The following LGI4 variants were observed in gnomAD, a reference collection of about 807,000 sequenced individuals.
LGI4 encodes leucine rich repeat LGI family member 4.
LGI4 carries 36 observed loss-of-function variants against 48.3 expected under a neutral mutation model. The ratio of observed to expected loss-of-function variants is 0.75; its 90% CI spans 0.57 to 0.98. The LOEUF is 0.98. LGI4 is among the 50% of genes least tolerant of loss of function. The probability of loss-of-function intolerance (pLI) is 0.00; values close to 1 mark genes in which losing one functional copy is unlikely to be tolerated. For missense variants in LGI4, 701 were observed against 732.1 expected (o/e 0.96, Z 0.49); for synonymous variants, 355 against 331.6 (o/e 1.07, Z -0.77).
rs563254274 is a variant in LGI4 at position 35,131,393 on chromosome 19, T to G, written c.621A>C (p.Arg207Ser). The stretch of plus-strand genomic sequence containing the variant: ...ATCGGGAAAGCCCCCCACCTATGGC[T>G]CTGCACTTGAAAGTCTTGGGGTCGA... Reference protein sequence around the residue: ...HHLDPKTFKCRAIELSWFQTV... With the variant: ...HHLDPKTFKCSAIELSWFQTV... The change falls in exon 6 of 9, where the codon AGA becomes AGC. Residue 207 changes from arginine (R) to serine (S), a missense_variant. Coordinates refer to ENST00000310123, the MANE Select transcript of LGI4 (RefSeq NM_139284.3). 13 of 1,550,266 alleles carry G rather than the reference T, an allele frequency of 8.4e-6. No homozygotes were observed. In the South Asian group the frequency reaches 1.5e-4, roughly 18 times the overall value.
Position 35,126,411 on chromosome 19 carries a change from C to T in LGI4, c.1158G>A (p.Arg386=). Residue 386 remains arginine, a synonymous_variant, in exon 8 of 9, where the codon CGG becomes CGA. Transcript: ENST00000310123. The stretch of plus-strand genomic sequence containing the variant: ...CACCGGTCCAGTGGAAGAGCACGGG[C>T]CGCTGGGAAGCCGAGGCCAGCAGCA... ...PHLLLASASQ[R]PVLFHWTGGR... 1 of 1,607,992 alleles carries T rather than the reference C, an allele frequency of 6.2e-7. No individual in the cohort carries two copies. The highest frequency in any genetic ancestry group is 8.5e-7 in the Non-Finnish European group (1 of 1,178,600).
Position 35,134,928 on chromosome 19 carries a change from G to A in LGI4, c.-248C>T. On this transcript the variant is annotated 5_prime_UTR_variant, in exon 1 of 9. Coordinates refer to ENST00000310123, the MANE Select transcript of LGI4 (RefSeq NM_139284.3). The stretch of plus-strand genomic sequence containing the variant: ...TCTGTATTTTTGACTCTGTGTGTTA[G>A]TCTGTTTCTATTTCTGTCTTTGTCT... 2.0e-6 allele frequency: 1 copy of A among 503,822 alleles called. No homozygotes were observed. Among genetic ancestry groups the A allele is most frequent in the South Asian group, 3.1e-5 (1 of 32,720 alleles). 31.2% of individuals were successfully genotyped at this position (503,822 alleles called of 1,614,324 possible). A position where few individuals can be genotyped will look rare whatever the true frequency, so the allele number is the denominator to read the frequency against.
chr19:35,128,861 G>A (rs2145363298), intron 6 of LGI4, among the ~76,000 whole-genome samples: 1 of 152,128 alleles, frequency 6.6e-6, no homozygotes, highest in South Asian at 2.1e-4. Context: ...CTTCAAACAG[G>A]GCACACTGTA....
At chr19:35,134,411 TG>T in intron 1 of LGI4, 99 bp downstream of exon 1, 1 of 1,235,394 alleles carries the variant, frequency 8.1e-7, no homozygotes, top group Non-Finnish European at 1.1e-6. Context: ...GAGATCCTGA[TG>T]GGCCCCTGTT....
chr19:35,129,691 C>T (rs2065162223), intron 6 of LGI4, among the ~76,000 whole-genome samples: 1 of 152,156 alleles, frequency 6.6e-6, no homozygotes, highest in African/African-American at 2.4e-5. Context: ...GGGTATTGTC[C>T]AAGGTTTCCC....
chr19:35,130,357 A>G (rs532264665), intron 6 of LGI4, among the ~76,000 whole-genome samples: 2 of 152,154 alleles, frequency 1.3e-5, no homozygotes, highest in Non-Finnish European at 2.9e-5. Context: ...ATATTGTTAT[A>G]GATAATAATA....
chr19:35,134,286 A>G (rs1280451800), intron 1 of LGI4, among the ~76,000 whole-genome samples, 182 bp from the exon 2 acceptor site: 3 of 151,776 alleles, frequency 2.0e-5, no homozygotes, highest in African/African-American at 7.3e-5. Context: ...ACAGCACTCA[A>G]CCCTCCTCCT....
At chr19:35,129,466 G>A (rs1026624397) in intron 6 of LGI4, among the ~76,000 whole-genome samples, 2 of 152,114 alleles carry the variant, frequency 1.3e-5, no homozygotes, top group Non-Finnish European at 2.9e-5. Context: ...TTGAGATGCT[G>A]TTAATTTATG....
rs925218280 is a variant in LGI4 at position 35,134,934 on chromosome 19, T to G, written c.-254A>C. On this transcript the variant is annotated 5_prime_UTR_variant, in exon 1 of 9. Coordinates refer to ENST00000310123, the MANE Select transcript of LGI4 (RefSeq NM_139284.3). The stretch of plus-strand genomic sequence containing the variant: ...TTTTTGACTCTGTGTGTTAGTCTGT[T>G]TCTATTTCTGTCTTTGTCTCTCTTT... 1 of 493,470 alleles carries G rather than the reference T, an allele frequency of 2.0e-6. No homozygotes were observed. Among genetic ancestry groups the G allele is most frequent in the Non-Finnish European group, 3.6e-6 (1 of 281,540 alleles). 30.6% of individuals were successfully genotyped at this position (493,470 alleles called of 1,614,324 possible). A position where few individuals can be genotyped will look rare whatever the true frequency, so the allele number is the denominator to read the frequency against.
chr19:35,131,377 G>GC lies in LGI4; in HGVS notation c.628+8dup, dbSNP rs770752678. 3.9e-6 allele frequency: 6 copies of GC among 1,549,712 alleles called. No individual in the cohort carries two copies. The African/African-American group carries it at 5.5e-5, about 14-fold the overall frequency. ...TCCCGCCTCCCACCCCATCGGGAAA[G>GC]CCCCCCACCTATGGCTCTGCACTTG... On this transcript the variant is annotated intron_variant, in intron 6 of 8. Coordinates refer to ENST00000310123, the MANE Select transcript of LGI4 (RefSeq NM_139284.3).
intron 6 of LGI4, 31 bp downstream of exon 6, chr19:35,131,355 C>T (rs962231771): frequency 2.4e-5 from 37 of 1,549,998 alleles, no homozygotes; most frequent in Admixed American, 2.0e-4. Flanking sequence ...CCAGATCTCC[C>T]GCCTCCCACC....
chr19:35,127,106 G>A, intron 6 of LGI4, 89 bp from the exon 7 acceptor site: 1 of 1,309,518 alleles, frequency 7.6e-7, no homozygotes, highest in Non-Finnish European at 1.0e-6. Context: ...CTGAAATGGA[G>A]GCCATTCATG....
rs1383412721 is a variant in LGI4, at chr19:35,126,974, T to C, written c.672A>G (p.Val224=). The change falls in exon 7 of 9, where the codon GTA becomes GTG. Residue 224 remains valine, a synonymous_variant. Transcript: ENST00000310123. ...FQTVGESALS[V]EPFSYQGEPH... is the part of the protein sequence containing the mutation. ...GCTCCCCTTGGTAGGAGAAGGGCTC[T>C]ACGCTCAGTGCCGACTCCCCCACCG... 6.2e-7 allele frequency: 1 copy of C among 1,611,778 alleles called. No individual in the cohort carries two copies. The highest frequency in any genetic ancestry group is 8.5e-7 in the Non-Finnish European group (1 of 1,178,788).
At chr19:35,128,839 C>T (rs557206162) in intron 6 of LGI4, among the ~76,000 whole-genome samples, 83 of 152,176 alleles carry the variant, frequency 5.5e-4, no homozygotes, top group Middle Eastern at 3.2e-3. Flanking sequence ...GCCACACCTG[C>T]CTTCGTTTGA....
intron 3 of LGI4, among the ~76,000 whole-genome samples, chr19:35,132,761 G>A (rs1223972163): frequency 6.6e-6 from 1 of 151,882 alleles, no homozygotes; most frequent in Non-Finnish European, 1.5e-5. Context: ...ATTGCCACCC[G>A]CATCTCCAAT....
In LGI4 at chr19:35,131,862, T is replaced by C. The variant is rs1235837007; in HGVS notation, c.387-2A>G. 6.4e-7 allele frequency: 1 copy of C among 1,571,628 alleles called. No individual in the cohort carries two copies. Among genetic ancestry groups the C allele is most frequent in the Non-Finnish European group, 8.6e-7 (1 of 1,158,230 alleles). ...TCCAGATGGTTATTGGCCAGGCTTC[T>C]GGTGGAGGAAGAGAAGGCACCGTCA... On this transcript the variant is annotated splice_acceptor_variant, in intron 4 of 8. Coordinates refer to ENST00000310123, the MANE Select transcript of LGI4 (RefSeq NM_139284.3). LOFTEE classifies it high-confidence loss of function.
chr19:35,126,177 G>T, intron 8 of LGI4, 93 bp downstream of exon 8: 1 of 1,390,580 alleles, frequency 7.2e-7, no homozygotes, highest in Non-Finnish European at 9.9e-7. Context: ...TTCAAAGGTC[G>T]GCATGTGAGG....
chr19:35,125,855 C>T (rs559640685), intron 8 of LGI4: 21 of 574,812 alleles, frequency 3.7e-5, no homozygotes, highest in African/African-American at 1.1e-4. Flanking sequence ...GTCTGTTCCC[C>T]ACCCAGAGAC....
At chr19:35,127,643 C>G (rs535156348) in intron 6 of LGI4, among the ~76,000 whole-genome samples, 1 of 152,338 alleles carries the variant, frequency 6.6e-6, no homozygotes, top group African/African-American at 2.4e-5. Flanking sequence ...GCCTCGGCCT[C>G]CCAAAGTGCT....
Sources: allele counts gnomAD v4.1 joint callset (sites outside exome capture counted in the v4.1 genomes callset), GRCh38; gene constraint gnomAD v4.1.1; transcripts MANE v1.5; gene names NCBI Gene and HGNC (gene_info 2026-07-23, HGNC 2026-07-21).